The following SNTG1 variants were observed in gnomAD, a reference collection of about 807,000 sequenced individuals.
SNTG1 encodes syntrophin gamma 1.
A neutral mutation model predicts 74.7 loss-of-function variants in SNTG1; 39 were observed. The ratio of observed to expected loss-of-function variants is 0.52; its 90% CI spans 0.40 to 0.68. The LOEUF (loss-of-function observed/expected upper bound fraction) is 0.68, where lower values mean the gene tolerates loss of function less well. Among genes scored for constraint, SNTG1 ranks in the 30% least tolerant of loss-of-function variants. The probability of loss-of-function intolerance (pLI) is 0.00; values close to 1 mark genes in which losing one functional copy is unlikely to be tolerated. For missense variants in SNTG1, 685 were observed against 609.5 expected, an observed-to-expected ratio of 1.12 and a Z score of -1.30; for synonymous variants, 254 against 217.1, an observed-to-expected ratio of 1.17 and a Z score of -1.49.
chr8:50,474,240 T>A (rs1484671246), intron 8 of SNTG1, among the ~76,000 whole-genome samples: 1 of 151,938 alleles, frequency 6.6e-6, no homozygotes, highest in Non-Finnish European at 1.5e-5. Flanking sequence ...CTAATTAAAC[T>A]AAACAGCTTC....
At chr8:50,423,883 G>A (rs571092065) in intron 4 of SNTG1, among the ~76,000 whole-genome samples, 8 of 152,228 alleles carry the variant, frequency 5.3e-5, no homozygotes, top group East Asian at 1.9e-4. Context: ...TTAGGGAGCC[G>A]ACATAAAGTG....
At chr8:50,731,265 GGA>G (rs2095512281) in intron 17 of SNTG1, among the ~76,000 whole-genome samples, 1 of 152,034 alleles carries the variant, frequency 6.6e-6, no homozygotes, top group Admixed American at 6.6e-5. Context: ...GAGATAAACA[GGA>G]GAGAGTGGTT....
intron 2 of SNTG1, among the ~76,000 whole-genome samples, chr8:50,189,260 T>G (rs961263536): frequency 6.6e-6 from 1 of 152,168 alleles, no homozygotes; most frequent in African/African-American, 2.4e-5. Context: ...CTTTTTATTG[T>G]TATCCTATGT....
intron 1 of SNTG1, among the ~76,000 whole-genome samples, chr8:50,107,697 C>T (rs1404618076): frequency 6.6e-6 from 1 of 151,780 alleles, no homozygotes; most frequent in Non-Finnish European, 1.5e-5. Context: ...ATTACAGGCA[C>T]CTGCAAACAT....
chr8:50,403,049 T>G (rs1341443230), intron 4 of SNTG1, among the ~76,000 whole-genome samples: 1 of 152,136 alleles, frequency 6.6e-6, no homozygotes, highest in Non-Finnish European at 1.5e-5. Context: ...ATAAGACGAG[T>G]TCTGGAGTTT....
At chr8:50,421,249 G>A (rs1319772483) in intron 4 of SNTG1, among the ~76,000 whole-genome samples, 1 of 152,062 alleles carries the variant, frequency 6.6e-6, no homozygotes, top group Non-Finnish European at 1.5e-5. Context: ...AGATAGTAAA[G>A]GAATAAAAGA....
At chr8:50,733,189 T>G (rs118069728) in intron 17 of SNTG1, among the ~76,000 whole-genome samples, 3,807 of 152,170 alleles carry the variant, frequency 0.025, 62 homozygotes, top group Middle Eastern at 0.041. Context: ...GGAATTTGGT[T>G]TTCTGTTTTG....
intron 13 of SNTG1, among the ~76,000 whole-genome samples, chr8:50,649,388 A>T (rs1020889600): frequency 2.0e-5 from 3 of 152,002 alleles, no homozygotes; most frequent in African/African-American, 7.2e-5. Context: ...AATCCCAGCT[A>T]CTCGGGAGGC....
intron 1 of SNTG1, among the ~76,000 whole-genome samples, chr8:50,092,294 A>G (rs1255705800): frequency 6.6e-6 from 1 of 152,184 alleles, no homozygotes. Flanking sequence ...CATGTTGTGA[A>G]AAACCTAAAT....
At chr8:50,379,666 T>C (rs2092449344) in intron 2 of SNTG1, among the ~76,000 whole-genome samples, 1 of 152,192 alleles carries the variant, frequency 6.6e-6, no homozygotes, top group Non-Finnish European at 1.5e-5. Flanking sequence ...CCAACAGTAA[T>C]AATAATAAAT....
intron 4 of SNTG1, among the ~76,000 whole-genome samples, chr8:50,431,006 T>C (rs952689264): frequency 6.6e-6 from 1 of 152,210 alleles, no homozygotes; most frequent in African/African-American, 2.4e-5. Flanking sequence ...GTCTTACAGA[T>C]GCTTGTGCCT....
rs929839007 is a variant in SNTG1 at position 49,973,983 on chromosome 8, A to T, written c.-103+61752A>T. ...ATATAAATATTTTACCATAAGCCCC[A>T]ATTTTTTATGTCGTTAGAATGTTAG... On this transcript the variant is annotated intron_variant, in intron 1 of 18. Coordinates refer to ENST00000642720, the MANE Select transcript of SNTG1 (RefSeq NM_018967.5). Among the ~76,000 whole-genome samples, 11 of 152,262 alleles carry T rather than the reference A, an allele frequency of 7.2e-5. No individual in the cohort carries two copies. In the East Asian group the frequency reaches 1.5e-3, roughly 21 times the overall value.
rs186629455 is a variant in SNTG1, at chr8:49,997,037, A to G, written c.-103+84806A>G. 5.9e-5 allele frequency among the ~76,000 whole-genome samples: 9 copies of G among 152,250 alleles called. No individual in the cohort carries two copies. In the East Asian group the frequency reaches 1.7e-3, roughly 29 times the overall value. ...ACCTAGAATATAATTAGCTTTTTAA[A>G]AGGGAGCCTTCTGTGAGCTACTTAC... On this transcript the variant is annotated intron_variant, in intron 1 of 18. Transcript: ENST00000642720.
intron 2 of SNTG1, among the ~76,000 whole-genome samples, chr8:50,383,188 C>T (rs1230547213): frequency 6.6e-6 from 1 of 152,138 alleles, no homozygotes; most frequent in Non-Finnish European, 1.5e-5. Context: ...TCCCCTTAAA[C>T]CTACTTTAGC....
chr8:50,437,860 G>T (rs1056566849), intron 4 of SNTG1, among the ~76,000 whole-genome samples: 10 of 152,260 alleles, frequency 6.6e-5, no homozygotes, highest in African/African-American at 9.6e-5. Context: ...GTAGCTCTTT[G>T]TTCTCATGCC....
At chr8:50,740,275 GA>G (rs139166958) in intron 17 of SNTG1, among the ~76,000 whole-genome samples, 10,341 of 124,536 alleles carry the variant, frequency 0.083, 662 homozygotes, top group African/African-American at 0.17. Flanking sequence ...AAATTTACAA[GA>G]AAAAAAAAAC....
chr8:50,139,914 G>A (rs1238136836), intron 1 of SNTG1, among the ~76,000 whole-genome samples: 1 of 152,250 alleles, frequency 6.6e-6, no homozygotes, highest in African/African-American at 2.4e-5. Context: ...GCTCAGTAAT[G>A]TAGTTCAGTT....
At chr8:50,282,490 G>C (rs1274985920) in intron 2 of SNTG1, among the ~76,000 whole-genome samples, 1 of 152,080 alleles carries the variant, frequency 6.6e-6, no homozygotes, top group Non-Finnish European at 1.5e-5. Flanking sequence ...AATTTATAAG[G>C]CCAGGAAAAC....
intron 12 of SNTG1, among the ~76,000 whole-genome samples, chr8:50,579,119 T>C (rs1009363141): frequency 6.6e-6 from 1 of 152,144 alleles, no homozygotes; most frequent in Non-Finnish European, 1.5e-5. Flanking sequence ...TTGACCAAAA[T>C]GCTGATAGTG....
Sources: gnomAD v4.1 joint callset for allele counts (sites outside exome capture counted in the v4.1 genomes callset) on GRCh38, gnomAD v4.1.1 for gene constraint, MANE v1.5 for transcripts, NCBI Gene and HGNC (gene_info 2026-07-23, HGNC 2026-07-21) for gene names.